The following ANKDD1A variants were observed in gnomAD, a reference collection of about 807,000 sequenced individuals.
ANKDD1A encodes ankyrin repeat and death domain-containing protein 1A.
A neutral mutation model predicts 63.5 loss-of-function variants in ANKDD1A; 59 were observed. The observed-to-expected ratio is 0.93, with a 90% CI of 0.75 to 1.15. The LOEUF is 1.15. Ranked by LOEUF, ANKDD1A falls within the 50% of genes most tolerant of loss-of-function variation. The pLI, the probability that ANKDD1A is intolerant of heterozygous loss-of-function variation, is 0.00. For missense variants in ANKDD1A, 632 were observed against 656.4 expected, an observed-to-expected ratio of 0.96 and a Z score of 0.41; for synonymous variants, 266 against 263.9, an observed-to-expected ratio of 1.01 and a Z score of -0.08.
In ANKDD1A at chr15:64,957,445, TCA is replaced by T. The variant is rs1285172798; in HGVS notation, c.*258_*259del. 1 of 147,312 alleles carries T rather than the reference TCA, an allele frequency of 6.8e-6. No homozygotes were observed. Among genetic ancestry groups the T allele is most frequent in the African/African-American group, 2.5e-5 (1 of 39,676 alleles). The allele number at this position is 147,312 out of a possible 1,614,324, so 9.1% of individuals were successfully genotyped here. A position where few individuals can be genotyped will look rare whatever the true frequency, so the allele number is the denominator to read the frequency against. On this transcript the variant is annotated 3_prime_UTR_variant, in exon 15 of 15. Transcript: ENST00000319580. ...TACCTTGAAATTACAAAAATTATTT[TCA>T]GTTTTCCAAAATTCTATCTTTAAAC...
intron 14 of ANKDD1A, among the ~76,000 whole-genome samples, chr15:64,954,027 TTC>T (rs1314395965): frequency 1.5e-5 from 2 of 131,980 alleles, no homozygotes; most frequent in South Asian, 2.2e-4. Flanking sequence ...TCCTCTTCTT[TTC>T]TTTCTTCTTC....
At chr15:64,930,956 C>A (rs373969116) in intron 7 of ANKDD1A, 36 bp downstream of exon 7, 116 of 1,593,802 alleles carry the variant, frequency 7.3e-5, no homozygotes, top group Non-Finnish European at 9.3e-5. Flanking sequence ...GATGCATGAC[C>A]CTTGCTTGCT....
Position 64,921,914 on chromosome 15 carries a change from C to G in ANKDD1A, c.268-7C>G, listed in dbSNP as rs115268452. On this transcript the variant is annotated splice_region_variant and splice_polypyrimidine_tract_variant and intron_variant, in intron 3 of 14. Coordinates refer to ENST00000319580, the MANE Select transcript of ANKDD1A (RefSeq NM_182703.6). ...TCTTCTCACCTCCTCTATGTCCTCTCCCCTAGTTTGGGATGAATGCGCTTC... is the reference window on the plus strand; with the variant it reads ...TCTTCTCACCTCCTCTATGTCCTCTGCCCTAGTTTGGGATGAATGCGCTTC... 4.3e-6 allele frequency: 7 copies of G among 1,613,734 alleles called. 1 individual carries two copies. The African/African-American group carries it at 5.3e-5, about 12-fold the overall frequency.
chr15:64,950,260 A>G (rs889987920), intron 14 of ANKDD1A: 6 of 985,258 alleles, frequency 6.1e-6, no homozygotes, highest in Admixed American at 6.2e-5. Context: ...CCAGCCCTCT[A>G]TACCTTGACA....
chr15:64,946,389 A>T (rs1010751878), intron 12 of ANKDD1A, among the ~76,000 whole-genome samples: 2 of 152,200 alleles, frequency 1.3e-5, no homozygotes, highest in African/African-American at 4.8e-5. Context: ...AGGAATCATA[A>T]GATGTTCTCC....
chr15:64,953,714 GTTCTTCTCCTTC>G (rs1419321064), intron 14 of ANKDD1A, among the ~76,000 whole-genome samples: 1 of 12,106 alleles, frequency 8.3e-5, no homozygotes, highest in Non-Finnish European at 3.6e-4. Flanking sequence ...TCTTCTCCTT[GTTCTTCTCCTTC>G]TTCTCCTCCT....
rs934665246 is a variant in ANKDD1A, at chr15:64,951,834, CTTA to C, written c.1483+1865_1483+1867del. ...TTCTTTCTTCCTCTTCTTCATCCTT[CTTA>C]TTCTTTCTTCTTCTTTCTTCTTCCT... On this transcript the variant is annotated intron_variant, in intron 14 of 14. Transcript: ENST00000319580. 8.1e-3 allele frequency among the ~76,000 whole-genome samples: 738 copies of C among 91,606 alleles called. 9 individuals are homozygous for C. The highest frequency in any genetic ancestry group is 0.025 in the African/African-American group (703 of 28,494). 60.1% of individuals were successfully genotyped at this position (91,606 alleles called of 152,430 possible).
Position 64,947,394 on chromosome 15 carries a change from T to G in ANKDD1A, c.1162-10T>G, listed in dbSNP as rs763023850. On this transcript the variant is annotated splice_polypyrimidine_tract_variant and intron_variant, in intron 12 of 14. Coordinates refer to ENST00000319580, the MANE Select transcript of ANKDD1A (RefSeq NM_182703.6). Reference sequence around the variant, plus strand: ...GGAGAGCTTCTGCACTTTTGGGATCTGCCCCACAGGACCACCCCAGTGATC... The same window carrying G: ...GGAGAGCTTCTGCACTTTTGGGATCGGCCCCACAGGACCACCCCAGTGATC... 5.0e-6 allele frequency: 8 copies of G among 1,607,744 alleles called. No individual in the cohort carries two copies. The East Asian group carries it at 1.8e-4, about 36-fold the overall frequency.
intron 14 of ANKDD1A, among the ~76,000 whole-genome samples, chr15:64,954,364 CTTCTTCTTCCTTTTCTTTTCTTCTTCT>C (rs1325799173): frequency 1.2e-4 from 5 of 41,130 alleles, no homozygotes; most frequent in African/African-American, 3.1e-4. Flanking sequence ...TCTTCTTCTC[CTTCTTCTTCCTTTTCTTTTCTTCTTCT>C]TTCTTCTTCC....
intron 9 of ANKDD1A, 93 bp from the exon 10 acceptor site, chr15:64,942,374 T>C (rs2085190952): frequency 3.1e-6 from 3 of 974,884 alleles, no homozygotes; most frequent in Non-Finnish European, 4.5e-6. Flanking sequence ...CCAGAAGCAC[T>C]ATACTCTTCC....
Position 64,939,097 on chromosome 15 carries a change from CTG to C in ANKDD1A, c.868-3368_868-3367del, listed in dbSNP as rs2085159780. Among the ~76,000 whole-genome samples, 4 of 152,018 alleles carry C rather than the reference CTG, an allele frequency of 2.6e-5. No homozygotes were observed. In the South Asian group the frequency reaches 8.3e-4, roughly 32 times the overall value. On this transcript the variant is annotated intron_variant, in intron 9 of 14. Transcript: ENST00000319580. ...ACTGGATGTGGGGTATGTGGGAACT[CTG>C]TTATCTTTGCAACTTTCACGTAAAA...
intron 6 of ANKDD1A, 46 bp from the exon 7 acceptor site, chr15:64,930,776 G>A: frequency 6.4e-7 from 1 of 1,571,364 alleles, no homozygotes; most frequent in Non-Finnish European, 8.7e-7. Context: ...CTGTGATTCT[G>A]GGACTCTCTG....
At chr15:64,947,741 C>A (rs2085235444) in intron 13 of ANKDD1A, 148 bp downstream of exon 13, 9 of 957,412 alleles carry the variant, frequency 9.4e-6, no homozygotes, top group African/African-American at 1.6e-5. Context: ...GGTGCTCTGT[C>A]CCTCCTCCAG....
In ANKDD1A at chr15:64,951,591, CT is replaced by C. The variant is rs147392320; in HGVS notation, c.1483+1622del. ...TTTCTTTCTTCTTCTTCTTCCTTTTCTTTCTTCTTTCTTCTTGTTCCTTATT... is the reference window on the plus strand; with the variant it reads ...TTTCTTTCTTCTTCTTCTTCCTTTTCTTCTTCTTTCTTCTTGTTCCTTATT... On this transcript the variant is annotated intron_variant, in intron 14 of 14. Coordinates refer to ENST00000319580, the MANE Select transcript of ANKDD1A (RefSeq NM_182703.6). 2.7e-3 allele frequency among the ~76,000 whole-genome samples: 161 copies of C among 58,888 alleles called. 3 individuals are homozygous for C. Among genetic ancestry groups the C allele is most frequent in the South Asian group, 0.023 (36 of 1,590 alleles). The allele number at this position is 58,888 out of a possible 152,430, so 38.6% of individuals were successfully genotyped here. A position where few individuals can be genotyped will look rare whatever the true frequency, so the allele number is the denominator to read the frequency against.
chr15:64,954,183 T>TC (rs2085376633), intron 14 of ANKDD1A, among the ~76,000 whole-genome samples: 1 of 55,782 alleles, frequency 1.8e-5, no homozygotes, highest in Non-Finnish European at 5.4e-5. Flanking sequence ...TTCTTCTTCT[T>TC]CTCCTTCTTT....
chr15:64,952,520 C>A (rs2085310585), intron 14 of ANKDD1A, among the ~76,000 whole-genome samples: 1 of 878 alleles, frequency 1.1e-3, no homozygotes, highest in African/African-American at 2.3e-3. Flanking sequence ...TTACTTTCTT[C>A]TTCCTTCGTC....
intron 3 of ANKDD1A, among the ~76,000 whole-genome samples, chr15:64,921,632 C>G (rs2085007174): frequency 6.6e-6 from 1 of 152,178 alleles, no homozygotes; most frequent in Non-Finnish European, 1.5e-5. Flanking sequence ...GCCTCAGCCT[C>G]CCAAAGTGCT....
rs2085425743 is a variant in ANKDD1A at position 64,957,236 on chromosome 15, T to C, written c.*48T>C. The C allele has an allele frequency of 3.1e-6, 1 of 325,674 alleles. No homozygotes were observed. The highest frequency in any genetic ancestry group is 2.3e-5 in the African/African-American group (1 of 43,880). The allele number at this position is 325,674 out of a possible 1,614,324, so 20.2% of individuals were successfully genotyped here. ...TCACAGCTGGCTAATTTTTGTATTT[T>C]TAGTAGAGATGGGGTTTGGCCATGA... On this transcript the variant is annotated 3_prime_UTR_variant, in exon 15 of 15. Coordinates refer to ENST00000319580, the MANE Select transcript of ANKDD1A (RefSeq NM_182703.6).
rs574480212 is a variant in ANKDD1A at position 64,953,332 on chromosome 15, ATTC to A, written c.1483+3364_1483+3366del. 1.5e-3 allele frequency among the ~76,000 whole-genome samples: 130 copies of A among 88,602 alleles called. 1 individual carries two copies. Among genetic ancestry groups the A allele is most frequent in the Non-Finnish European group, 2.7e-3 (116 of 42,998 alleles). 58.1% of individuals were successfully genotyped at this position (88,602 alleles called of 152,430 possible). On this transcript the variant is annotated intron_variant, in intron 14 of 14. Transcript: ENST00000319580. ...CTTTTTTCTTTCTTCTTTCCTTCTT[ATTC>A]TTCCTCTCCTTCTTCTTAGTTCTTC...
Sources: allele counts gnomAD v4.1 joint callset (sites outside exome capture counted in the v4.1 genomes callset), GRCh38; gene constraint gnomAD v4.1.1; transcripts MANE v1.5; gene names NCBI Gene and HGNC (gene_info 2026-07-23, HGNC 2026-07-21).